The following TBC1D5 variants were observed in gnomAD, a reference collection of about 807,000 sequenced individuals.
The protein encoded by TBC1D5 is TBC1 domain family, member 5.
A neutral mutation model predicts 100.3 loss-of-function variants in TBC1D5; 75 were observed. The observed-to-expected ratio is 0.75, with a 90% CI of 0.62 to 0.91. TBC1D5 has a LOEUF of 0.91. TBC1D5 is among the 40% of genes least tolerant of loss of function. The pLI, the probability that TBC1D5 is intolerant of heterozygous loss-of-function variation, is 0.00. For synonymous variants in TBC1D5, 323 were observed against 325.6 expected, an observed-to-expected ratio of 0.99 and a Z score of 0.09; for missense variants, 910 against 942.4, an observed-to-expected ratio of 0.97 and a Z score of 0.45.
chr3:17,595,284 CACTGGGTT>C (rs2060491548), intron 2 of TBC1D5, among the ~76,000 whole-genome samples: 1 of 152,106 alleles, frequency 6.6e-6, no homozygotes, highest in African/African-American at 2.4e-5. Context: ...AACCCGAATA[CACTGGGTT>C]AGAAATAAAT....
chr3:17,591,391 A>T (rs1417550276), intron 2 of TBC1D5, among the ~76,000 whole-genome samples: 5 of 151,954 alleles, frequency 3.3e-5, no homozygotes, highest in African/African-American at 1.2e-4. Flanking sequence ...TATATTACCG[A>T]CAATTTATGC....
intron 14 of TBC1D5, among the ~76,000 whole-genome samples, chr3:17,301,838 T>C (rs970222478): frequency 1.3e-5 from 2 of 152,162 alleles, no homozygotes; most frequent in African/African-American, 2.4e-5. Context: ...TGACTTACAA[T>C]ATGAAATAAG....
chr3:17,625,791 C>T (rs1200244728), intron 1 of TBC1D5, among the ~76,000 whole-genome samples: 1 of 151,966 alleles, frequency 6.6e-6, no homozygotes, highest in Non-Finnish European at 1.5e-5. Context: ...AATAATGTAT[C>T]TATGCATAAC....
intron 9 of TBC1D5, among the ~76,000 whole-genome samples, chr3:17,380,062 T>C (rs1263819614): frequency 1.4e-5 from 2 of 147,466 alleles, no homozygotes; most frequent in Non-Finnish European, 3.0e-5. Context: ...TGTGTGTGTG[T>C]GTGTGTGTGT....
At chr3:17,706,221 T>C in intron 1 of TBC1D5, 1 of 1,549,500 alleles carries the variant, frequency 6.5e-7, no homozygotes, top group Non-Finnish European at 8.7e-7. Flanking sequence ...GCCCAGGCTG[T>C]GGAGGCGGCG....
At chr3:17,394,593 C>G (rs2093446170) in intron 8 of TBC1D5, among the ~76,000 whole-genome samples, 1 of 152,038 alleles carries the variant, frequency 6.6e-6, no homozygotes, top group Admixed American at 6.6e-5. Context: ...AAACAGACAT[C>G]TTACAGATAA....
intron 13 of TBC1D5, among the ~76,000 whole-genome samples, chr3:17,359,050 A>G (rs1169628554): frequency 6.6e-6 from 1 of 151,788 alleles, no homozygotes; most frequent in Non-Finnish European, 1.5e-5. Context: ...TCTGTTACAA[A>G]TCTATTTAAA....
intron 19 of TBC1D5, 109 bp downstream of exon 20, chr3:17,185,000 A>G: frequency 1.2e-5 from 10 of 843,014 alleles, no homozygotes; most frequent in Non-Finnish European, 1.9e-5. Flanking sequence ...TAAGGATTAA[A>G]TAAGGTAATT....
intron 1 of TBC1D5, among the ~76,000 whole-genome samples, chr3:17,671,890 A>G (rs1398535103): frequency 6.6e-6 from 1 of 152,258 alleles, no homozygotes; most frequent in Non-Finnish European, 1.5e-5. Context: ...ATTACACAGC[A>G]TAAACATTTT....
intron 3 of TBC1D5, among the ~76,000 whole-genome samples, chr3:17,462,811 T>C (rs1015037764): frequency 1.3e-5 from 2 of 152,206 alleles, no homozygotes; most frequent in Non-Finnish European, 2.9e-5. Flanking sequence ...ATCCATCCTA[T>C]GGATCTTCCT....
intron 19 of TBC1D5, among the ~76,000 whole-genome samples, chr3:17,176,292 G>A (rs974831441): frequency 2.6e-5 from 4 of 152,200 alleles, no homozygotes; most frequent in Non-Finnish European, 4.4e-5. Flanking sequence ...AGGAACTAAT[G>A]GCAGTTGCTA....
intron 2 of TBC1D5, among the ~76,000 whole-genome samples, chr3:17,536,372 AT>A (rs1041950020): frequency 1.1e-4 from 17 of 152,180 alleles, no homozygotes; most frequent in African/African-American, 4.1e-4. Flanking sequence ...ACATTTAAAA[AT>A]TTTTTTATTG....
intron 1 of TBC1D5, chr3:17,706,149 T>C: frequency 1.4e-5 from 23 of 1,591,102 alleles, no homozygotes; most frequent in Admixed American, 1.8e-5. Context: ...AAGGCTGCAG[T>C]TGATGGGGGA....
At chr3:17,492,853 T>C (rs946156705) in intron 3 of TBC1D5, among the ~76,000 whole-genome samples, 24 of 152,364 alleles carry the variant, frequency 1.6e-4, no homozygotes, top group Non-Finnish European at 2.2e-4. Flanking sequence ...TACTCAAGAA[T>C]CATTCAGAAG....
intron 3 of TBC1D5, among the ~76,000 whole-genome samples, chr3:17,436,220 A>G (rs1407971177): frequency 6.6e-6 from 1 of 152,202 alleles, no homozygotes; most frequent in Non-Finnish European, 1.5e-5. Context: ...TTAACCTTTC[A>G]ATATCTCAGA....
intron 3 of TBC1D5, among the ~76,000 whole-genome samples, chr3:17,507,302 T>G (rs1375455146): frequency 6.6e-6 from 1 of 152,170 alleles, no homozygotes; most frequent in Non-Finnish European, 1.5e-5. Context: ...ACTATTTTCA[T>G]ATTATCAAAA....
At chr3:17,376,708 C>G in intron 9 of TBC1D5, 95 bp from the exon 10 acceptor site, 2 of 971,124 alleles carry the variant, frequency 2.1e-6, no homozygotes, top group Non-Finnish European at 2.9e-6. Flanking sequence ...CAAACCAATT[C>G]CCACTAGCAA....
intron 13 of TBC1D5, among the ~76,000 whole-genome samples, chr3:17,364,248 A>G (rs370525498): frequency 2.0e-4 from 30 of 152,294 alleles, no homozygotes; most frequent in East Asian, 1.4e-3. Context: ...TTGAATAATC[A>G]GATCCTTGTA....
intron 2 of TBC1D5, among the ~76,000 whole-genome samples, chr3:17,587,113 C>T (rs750716934): frequency 6.6e-6 from 1 of 151,906 alleles, no homozygotes; most frequent in African/African-American, 2.4e-5. Context: ...ATTTTCACAG[C>T]CTTTTTCTAA....
Sources: allele counts gnomAD v4.1 joint callset (sites outside exome capture counted in the v4.1 genomes callset), GRCh38; gene constraint gnomAD v4.1.1; transcripts MANE v1.5; gene names NCBI Gene and HGNC (gene_info 2026-07-23, HGNC 2026-07-21).